KLHL13: variants seen among roughly 807,000 people sequenced by gnomAD.
KLHL13 encodes the protein kelch-like protein 13.
A neutral mutation model predicts 37.1 loss-of-function variants in KLHL13; 10 were observed. The ratio of observed to expected loss-of-function variants is 0.27; its 90% CI spans 0.17 to 0.46. The LOEUF (loss-of-function observed/expected upper bound fraction) is 0.46, where lower values mean the gene tolerates loss of function less well. Among genes scored for constraint, KLHL13 ranks in the 20% least tolerant of loss-of-function variants. The probability of loss-of-function intolerance (pLI) is 1.00; values close to 1 mark genes in which losing one functional copy is unlikely to be tolerated. For missense variants in KLHL13, 360 were observed against 509.3 expected, an observed-to-expected ratio of 0.71 and a Z score of 2.82; for synonymous variants, 163 against 181.2, an observed-to-expected ratio of 0.90 and a Z score of 0.81.
chrX:117,948,206 T>C (rs1286261877), intron 1 of KLHL13, among the ~76,000 whole-genome samples: 2 of 112,009 alleles, frequency 1.8e-5, no homozygotes, highest in African/African-American at 6.5e-5. Flanking sequence ...AATCCTAATA[T>C]AGAGGAATTT....
At chrX:117,950,430 T>C (rs1405405419) in intron 1 of KLHL13, among the ~76,000 whole-genome samples, 1 of 111,125 alleles carries the variant, frequency 9.0e-6, no homozygotes, top group Non-Finnish European at 1.9e-5. Flanking sequence ...CTGTGCCACT[T>C]CACTCCAGCC....
At chrX:118,086,748 G>A (rs965171591) in intron 1 of KLHL13, among the ~76,000 whole-genome samples, 1 of 111,527 alleles carries the variant, frequency 9.0e-6, no homozygotes, top group Non-Finnish European at 1.9e-5. Context: ...CCTCCAGAGA[G>A]AGAAGACTTA....
chrX:117,903,135 A>AACACACACACACAC (rs751986919), intron 5 of KLHL13, among the ~76,000 whole-genome samples: 41 of 99,797 alleles, frequency 4.1e-4, no homozygotes, highest in African/African-American at 1.6e-3. Flanking sequence ...TGACAGGCAA[A>AACACACACACACAC]ACACACACAC....
rs930958694 is a variant in KLHL13, at chrX:118,052,694, G to T, written c.-56+63814C>A. Among the ~76,000 whole-genome samples, 8 of 109,291 alleles carry T rather than the reference G, an allele frequency of 7.3e-5. No homozygotes were observed. In the Admixed American group the frequency reaches 7.9e-4, roughly 11 times the overall value. The allele number at this position is 109,291 out of a possible 115,157, so 94.9% of individuals were successfully genotyped here. On this transcript the variant is annotated intron_variant, in intron 1 of 6. Transcript: ENST00000371882. ...AAAAACAAAATACAAAAAATTAGCT[G>T]GGCGCACCTGTAATCGCAGCTACTC...
At chrX:118,040,390 A>G (rs1359755809) in intron 1 of KLHL13, among the ~76,000 whole-genome samples, 3 of 111,668 alleles carry the variant, frequency 2.7e-5, no homozygotes, top group African/African-American at 9.8e-5. Flanking sequence ...TCAGAATCCT[A>G]TCAGACGAGA....
chrX:117,914,603 G>A (rs962049224), intron 4 of KLHL13, among the ~76,000 whole-genome samples: 6 of 111,682 alleles, frequency 5.4e-5, no homozygotes, highest in Admixed American at 4.8e-4. Flanking sequence ...TTCCACAGAT[G>A]AGACCATCAC....
chrX:118,078,389 C>T (rs1475822418), intron 1 of KLHL13, among the ~76,000 whole-genome samples: 2 of 111,240 alleles, frequency 1.8e-5, no homozygotes, highest in Non-Finnish European at 3.8e-5. Flanking sequence ...CATCACTGTC[C>T]AAATTTCCTT....
chrX:118,094,399 C>T (rs1167309097), intron 1 of KLHL13, among the ~76,000 whole-genome samples: 1 of 110,675 alleles, frequency 9.0e-6, no homozygotes. Context: ...GTGAAAAGAC[C>T]AAATCTACGT....
chrX:117,954,956 A>G (rs752857507), intron 1 of KLHL13, among the ~76,000 whole-genome samples: 17 of 112,196 alleles, frequency 1.5e-4, no homozygotes, highest in African/African-American at 4.5e-4. Flanking sequence ...TTGCTTCCAG[A>G]GGACTTGTTA....
chrX:118,081,940 T>TTGTGTGTGTGTG (rs762989393), intron 1 of KLHL13, among the ~76,000 whole-genome samples: 55 of 97,698 alleles, frequency 5.6e-4, no homozygotes, highest in South Asian at 3.8e-3. Flanking sequence ...TAGTATTCCA[T>TTGTGTGTGTGTG]TGTGTGTGTG....
In KLHL13 at chrX:117,930,290, A is replaced by AAGGC. The variant is rs1166028829; in HGVS notation, c.241-9924_241-9921dup. ...GAAGGAAGGAAGGAAGGAAGGAAGG[A>AAGGC]AGGCAGGCAGGCAGGCAGGCAGGCA... On this transcript the variant is annotated intron_variant, in intron 2 of 6. Coordinates refer to ENST00000262820, the Ensembl canonical transcript of KLHL13. Among the ~76,000 whole-genome samples, 384 of 77,927 alleles carry AAGGC rather than the reference A, an allele frequency of 4.9e-3. 3 individuals carry two copies. The highest frequency in any genetic ancestry group is 0.02 in the East Asian group (57 of 2,802). 67.7% of individuals were successfully genotyped at this position (77,927 alleles called of 115,157 possible).
intron 4 of KLHL13, among the ~76,000 whole-genome samples, chrX:117,910,979 C>G (rs1215687889): frequency 1.8e-5 from 2 of 111,674 alleles, no homozygotes; most frequent in Admixed American, 9.5e-5. Context: ...TCAGTAGAAC[C>G]TCTTTTCAAT....
chrX:118,082,522 C>T (rs1250649516), intron 1 of KLHL13, among the ~76,000 whole-genome samples: 1 of 111,552 alleles, frequency 9.0e-6, no homozygotes, highest in Admixed American at 9.6e-5. Context: ...GTCAGATGCA[C>T]AGTTTGAAAA....
At chrX:118,089,924 T>C (rs190084167) in intron 1 of KLHL13, among the ~76,000 whole-genome samples, 2 of 109,172 alleles carry the variant, frequency 1.8e-5, no homozygotes, top group East Asian at 2.9e-4. Context: ...ACTAAAAATA[T>C]ACAAATATTA....
chrX:117,938,705 G>A (rs1224346259), intron 2 of KLHL13, among the ~76,000 whole-genome samples: 1 of 111,398 alleles, frequency 9.0e-6, no homozygotes, highest in African/African-American at 3.3e-5. Context: ...TAGGAGTATA[G>A]TAGTGAGGTA....
intron 1 of KLHL13, among the ~76,000 whole-genome samples, chrX:118,032,590 T>C (rs1262894345): frequency 2.7e-5 from 3 of 111,860 alleles, no homozygotes; most frequent in Non-Finnish European, 5.6e-5. Context: ...GGCCCATCTG[T>C]ACATCACCAT....
At chrX:118,095,687 C>T (rs1351914565) in intron 1 of KLHL13, among the ~76,000 whole-genome samples, 1 of 112,297 alleles carries the variant, frequency 8.9e-6, no homozygotes, top group Non-Finnish European at 1.9e-5. Context: ...TTATAACAAA[C>T]TGTCTCTCAG....
In KLHL13 at chrX:117,946,391, C is replaced by A. The variant is rs188559877; in HGVS notation, c.99-816G>T. The A allele has an allele frequency of 1.2e-3, 129 of 111,942 alleles. 1 individual carries two copies. Among genetic ancestry groups the A allele is most frequent in the African/African-American group, 4.0e-3 (125 of 30,936 alleles). 9.2% of individuals were successfully genotyped at this position (111,942 alleles called of 1,213,427 possible). A position where few individuals can be genotyped will look rare whatever the true frequency, so the allele number is the denominator to read the frequency against. On this transcript the variant is annotated intron_variant, in intron 1 of 6. Coordinates refer to ENST00000262820, the Ensembl canonical transcript of KLHL13. ...AGGGGCATAAGTAAGAATAGGAGAA[C>A]CTTAGTCAGTAGGTCACTTAGATGC...
intron 1 of KLHL13, among the ~76,000 whole-genome samples, chrX:118,045,090 C>T (rs1479445635): frequency 9.0e-6 from 1 of 111,472 alleles, no homozygotes; most frequent in African/African-American, 3.3e-5. Context: ...ATGGGCAAAA[C>T]AGGCTGGGTG....
Sources: allele counts gnomAD v4.1 joint callset (sites outside exome capture counted in the v4.1 genomes callset), GRCh38; gene constraint gnomAD v4.1.1; transcripts MANE v1.5; gene names NCBI Gene and HGNC (gene_info 2026-07-23, HGNC 2026-07-21).